The following DCAF17 variants were observed in gnomAD, a reference collection of about 807,000 sequenced individuals.
The protein encoded by DCAF17 is DDB1- and CUL4-associated factor 17.
DCAF17 carries 48 observed loss-of-function variants against 66.0 expected under a neutral mutation model. The ratio of observed to expected loss-of-function variants is 0.73; its 90% confidence interval spans 0.58 to 0.92. The LOEUF (loss-of-function observed/expected upper bound fraction) is 0.92, where lower values mean the gene tolerates loss of function less well. Ranked by LOEUF, DCAF17 falls within the 40% of genes least tolerant of loss-of-function variation. The probability of loss-of-function intolerance (pLI) is 0.00; values close to 1 mark genes in which losing one functional copy is unlikely to be tolerated. For missense variants in DCAF17, 562 were observed against 622.8 expected (o/e 0.90, Z 1.04); for synonymous variants, 206 against 214.6 (o/e 0.96, Z 0.35).
chr2:171,467,049 A>C (rs960425288), intron 8 of DCAF17, among the ~76,000 whole-genome samples: 5 of 152,112 alleles, frequency 3.3e-5, no homozygotes, highest in Admixed American at 6.5e-5. Context: ...AAAAATAAGC[A>C]CTTGACATAT....
chr2:171,443,877 G>A (rs1401225939), intron 3 of DCAF17, among the ~76,000 whole-genome samples: 8 of 152,020 alleles, frequency 5.3e-5, no homozygotes, highest in Non-Finnish European at 1.5e-5. Flanking sequence ...TCGATTAAAA[G>A]TTATATAAGC....
Position 171,483,903 on chromosome 2 carries a change from C to T in DCAF17, c.*2789C>T. 1 of 453,992 alleles carries T rather than the reference C, an allele frequency of 2.2e-6. No homozygotes were observed. Among genetic ancestry groups the T allele is most frequent in the Non-Finnish European group, 4.4e-6 (1 of 226,788 alleles). The allele number at this position is 453,992 out of a possible 1,614,324, so 28.1% of individuals were successfully genotyped here. A position where few individuals can be genotyped will look rare whatever the true frequency, so the allele number is the denominator to read the frequency against. On this transcript the variant is annotated 3_prime_UTR_variant, in exon 14 of 14. Coordinates refer to ENST00000375255, the MANE Select transcript of DCAF17 (RefSeq NM_025000.4). ...GGCATGAACTTGTGCCAAATTTCCTCCAAAGTTCTCAAAAGGCAAGGCATG... is the reference window on the plus strand; with the variant it reads ...GGCATGAACTTGTGCCAAATTTCCTTCAAAGTTCTCAAAAGGCAAGGCATG...
chr2:171,454,836 G>A (rs1052180483), intron 6 of DCAF17, among the ~76,000 whole-genome samples: 1 of 151,418 alleles, frequency 6.6e-6, no homozygotes, highest in South Asian at 2.1e-4. Context: ...GGTAGATATT[G>A]CAGTGAGCCA....
intron 5 of DCAF17, among the ~76,000 whole-genome samples, chr2:171,450,687 A>G (rs80057381): frequency 3.3e-4 from 51 of 152,296 alleles, no homozygotes; most frequent in African/African-American, 1.2e-3. Context: ...TCCCCTTGGC[A>G]GAGTCTGTTG....
In DCAF17 at chr2:171,483,712, G is replaced by A. The variant is rs1696836963; in HGVS notation, c.*2598G>A. 2.2e-6 allele frequency: 1 copy of A among 453,912 alleles called. No individual in the cohort carries two copies. Among genetic ancestry groups the A allele is most frequent in the Non-Finnish European group, 4.4e-6 (1 of 226,786 alleles). The allele number at this position is 453,912 out of a possible 1,614,324, so 28.1% of individuals were successfully genotyped here. A position where few individuals can be genotyped will look rare whatever the true frequency, so the allele number is the denominator to read the frequency against. On this transcript the variant is annotated 3_prime_UTR_variant, in exon 14 of 14. Coordinates refer to ENST00000375255, the MANE Select transcript of DCAF17 (RefSeq NM_025000.4). ...TACTAGTCACTGTGATACAGTATAAGTAAAGTGGGTTGTCTCATTTAATAT... is the reference window on the plus strand; with the variant it reads ...TACTAGTCACTGTGATACAGTATAAATAAAGTGGGTTGTCTCATTTAATAT...
At chr2:171,476,081 C>T (rs1696484580) in intron 10 of DCAF17, among the ~76,000 whole-genome samples, 1 of 151,886 alleles carries the variant, frequency 6.6e-6, no homozygotes, top group South Asian at 2.1e-4. Flanking sequence ...ATTATTTGAT[C>T]TCTTGGTCTT....
intron 2 of DCAF17, among the ~76,000 whole-genome samples, chr2:171,437,290 AT>A (rs527797321): frequency 1.3e-5 from 2 of 151,824 alleles, no homozygotes; most frequent in African/African-American, 2.4e-5. Flanking sequence ...ATCCAACTCC[AT>A]TTTTTTTAAC....
chr2:171,467,971 A>C (rs1281650333), intron 8 of DCAF17, among the ~76,000 whole-genome samples: 1 of 152,138 alleles, frequency 6.6e-6, no homozygotes, highest in Non-Finnish European at 1.5e-5. Context: ...TAGTGGCCTC[A>C]TAAACTAAAA....
At chr2:171,468,861 A>G in intron 8 of DCAF17, 27 bp from the exon 9 acceptor site, 1 of 1,614,006 alleles carries the variant, frequency 6.2e-7, no homozygotes, top group Non-Finnish European at 8.5e-7. Flanking sequence ...CAGTGCAGCT[A>G]ATGAATTCCT....
intron 11 of DCAF17, among the ~76,000 whole-genome samples, chr2:171,477,503 G>T (rs139711618): frequency 0.015 from 2,291 of 152,062 alleles, 39 homozygotes; most frequent in Non-Finnish European, 0.021. Flanking sequence ...CTTTAATAAA[G>T]TATTTTTGAG....
chr2:171,443,805 A>G (rs1694455115), intron 3 of DCAF17, among the ~76,000 whole-genome samples, 192 bp downstream of exon 3: 1 of 152,124 alleles, frequency 6.6e-6, no homozygotes, highest in Non-Finnish European at 1.5e-5. Flanking sequence ...TACTAATATT[A>G]TGAATGTGTT....
At chr2:171,454,836 G>T (rs1052180483) in intron 6 of DCAF17, among the ~76,000 whole-genome samples, 2 of 151,418 alleles carry the variant, frequency 1.3e-5, no homozygotes, top group East Asian at 2.0e-4. Flanking sequence ...GGTAGATATT[G>T]CAGTGAGCCA....
At chr2:171,468,807 A>G in intron 8 of DCAF17, 81 bp from the exon 9 acceptor site, 1 of 1,565,580 alleles carries the variant, frequency 6.4e-7, no homozygotes, top group Non-Finnish European at 8.8e-7. Context: ...TTGCATGCAA[A>G]GAAAGGTTGA....
At chr2:171,471,794 G>A (rs1328179733) in intron 9 of DCAF17, among the ~76,000 whole-genome samples, 5 of 152,090 alleles carry the variant, frequency 3.3e-5, no homozygotes. Context: ...GCAGGCAGAT[G>A]GCTTGAGCCC....
At chr2:171,463,628 T>C (rs773703472) in intron 8 of DCAF17, among the ~76,000 whole-genome samples, 3 of 152,242 alleles carry the variant, frequency 2.0e-5, no homozygotes, top group Non-Finnish European at 2.9e-5. Flanking sequence ...AAATGAACCA[T>C]AATTTACTTA....
intron 1 of DCAF17, 46 bp from the exon 2 acceptor site, chr2:171,435,037 A>C (rs770506183): frequency 4.2e-6 from 6 of 1,421,344 alleles, no homozygotes; most frequent in Non-Finnish European, 5.9e-6. Flanking sequence ...ATCTAACTTA[A>C]AGCCTAAGAG....
At chr2:171,440,948 G>A (rs1053475080) in intron 2 of DCAF17, among the ~76,000 whole-genome samples, 4 of 152,182 alleles carry the variant, frequency 2.6e-5, no homozygotes, top group Non-Finnish European at 5.9e-5. Context: ...GGCTGTTTTC[G>A]TCTTGGACCA....
In DCAF17 at chr2:171,442,553, G is replaced by C. The variant is rs1227416980; in HGVS notation, c.231-970G>C. On this transcript the variant is annotated intron_variant, in intron 2 of 13. Transcript: ENST00000375255. Reference sequence around the variant, plus strand: ...CTCTCCAGCCTGGGAGACAGAGTGAGACTCCATCTCAAAAAAAAAAAAAAA... The same window carrying C: ...CTCTCCAGCCTGGGAGACAGAGTGACACTCCATCTCAAAAAAAAAAAAAAA... Among the ~76,000 whole-genome samples, 3 of 113,868 alleles carry C rather than the reference G, an allele frequency of 2.6e-5. No homozygotes were observed. The East Asian group carries it at 8.4e-4, about 32-fold the overall frequency. 74.7% of individuals were successfully genotyped at this position (113,868 alleles called of 152,430 possible).
intron 6 of DCAF17, among the ~76,000 whole-genome samples, chr2:171,456,879 G>A (rs1294733693): frequency 6.6e-6 from 1 of 152,194 alleles, no homozygotes; most frequent in Non-Finnish European, 1.5e-5. Flanking sequence ...GAAGCTTTTG[G>A]ATTAGACAAT....
Sources: gnomAD v4.1 joint callset for allele counts (sites outside exome capture counted in the v4.1 genomes callset) on GRCh38, gnomAD v4.1.1 for gene constraint, MANE v1.5 for transcripts, NCBI Gene and HGNC (gene_info 2026-07-23, HGNC 2026-07-21) for gene names.